The following KRT86 variants were observed in gnomAD, a reference collection of about 807,000 sequenced individuals.
KRT86 encodes the protein keratin, type II cuticular Hb6.
In KRT86, 30 loss-of-function variants were observed where a neutral mutation model predicts 41.2. The observed-to-expected ratio is 0.73, with a 90% CI of 0.54 to 0.99. The LOEUF (loss-of-function observed/expected upper bound fraction) is 0.99, where lower values mean the gene tolerates loss of function less well. Among genes scored for constraint, KRT86 ranks in the 50% least tolerant of loss-of-function variants. The probability of loss-of-function intolerance (pLI) is 0.00; values close to 1 mark genes in which losing one functional copy is unlikely to be tolerated. For missense variants in KRT86, 561 were observed against 571.4 expected (o/e 0.98, Z 0.19); for synonymous variants, 238 against 238.1 (o/e 1.00, Z 0.00).
At chr12:52,287,118 C>A in intron 2 of KRT86, 2 of 1,613,128 alleles carry the variant, frequency 1.2e-6, no homozygotes, top group Non-Finnish European at 1.7e-6. Flanking sequence ...TCCTCGCCCT[C>A]CAGCAGGCGC....
chr12:52,290,426 G>A, intron 2 of KRT86: 1 of 24,836 alleles, frequency 4.0e-5, no homozygotes, highest in Non-Finnish European at 6.9e-5. Context: ...GGCAGTGGGA[G>A]ACAGACAATT....
chr12:52,283,591 G>A (rs1937834604), intron 2 of KRT86, among the ~76,000 whole-genome samples: 1 of 145,000 alleles, frequency 6.9e-6, no homozygotes, highest in Admixed American at 7.1e-5. Flanking sequence ...CAATTCTCCT[G>A]TCTCAGCCTC....
At chr12:52,301,741 TA>T in intron 2 of KRT86, 171 bp from the exon 3 acceptor site, 2 of 1,308,284 alleles carry the variant, frequency 1.5e-6, no homozygotes, top group Non-Finnish European at 2.1e-6. Context: ...CGACAGCAGC[TA>T]AACAACCCAA....
chr12:52,288,606 T>G, intron 2 of KRT86: 1 of 998,278 alleles, frequency 1.0e-6, no homozygotes. Flanking sequence ...CTTCCTGGGA[T>G]GAGCTGGCAT....
Position 52,306,160 on chromosome 12 carries a change from A to G in KRT86, c.1127A>G (p.Gln376Arg). ...TTGGCCGAGCTGGAGGGTGCCCTGCAGAAGGCCAAGCAGGACATGGCCTGC... is the reference window on the plus strand; with the variant it reads ...TTGGCCGAGCTGGAGGGTGCCCTGCGGAAGGCCAAGCAGGACATGGCCTGC... ...CKLAELEGAL[Q>R]KAKQDMACLI... The change falls in exon 9 of 11, where the codon CAG becomes CGG. Residue 376 changes from glutamine to arginine, a missense_variant. Coordinates refer to ENST00000423955, the MANE Select transcript of KRT86 (RefSeq NM_001320198.2). 6.2e-7 allele frequency: 1 copy of G among 1,613,950 alleles called. No individual in the cohort carries two copies. The highest frequency in any genetic ancestry group is 1.7e-4 in the Middle Eastern group (1 of 5,866).
At chr12:52,307,393 G>A (rs1441887862) in intron 9 of KRT86, among the ~76,000 whole-genome samples, 1 of 152,226 alleles carries the variant, frequency 6.6e-6, no homozygotes, top group Non-Finnish European at 1.5e-5. Flanking sequence ...GAACTCAGGA[G>A]CTTTGGTATG....
At chr12:52,294,137 T>C (rs1453104843) in intron 2 of KRT86, among the ~76,000 whole-genome samples, 1 of 152,192 alleles carries the variant, frequency 6.6e-6, no homozygotes, top group Non-Finnish European at 1.5e-5. Flanking sequence ...TGAAGCTCTT[T>C]GTACCCTCAT....
At chr12:52,284,410 T>A (rs1322835055) in intron 2 of KRT86, among the ~76,000 whole-genome samples, 2 of 152,156 alleles carry the variant, frequency 1.3e-5, no homozygotes, top group Non-Finnish European at 2.9e-5. Flanking sequence ...GGCTGATCTC[T>A]AACTCTGGGG....
intron 2 of KRT86, among the ~76,000 whole-genome samples, chr12:52,296,986 CCT>C (rs1192238252): frequency 1.3e-5 from 2 of 152,186 alleles, no homozygotes; most frequent in African/African-American, 4.8e-5. Flanking sequence ...CGGCATTCTC[CCT>C]CTCTCTCCGC....
At chr12:52,288,784 G>A (rs918411519) in intron 2 of KRT86, among the ~76,000 whole-genome samples, 1 of 151,786 alleles carries the variant, frequency 6.6e-6, no homozygotes, top group Non-Finnish European at 1.5e-5. Context: ...CCCCACAAGT[G>A]CTCCAAGAGC....
At chr12:52,288,313 C>G (rs1233568601) in intron 2 of KRT86, 8 of 1,612,486 alleles carry the variant, frequency 5.0e-6, no homozygotes, top group Non-Finnish European at 6.8e-6. Flanking sequence ...ACCCCCAACT[C>G]TCCTCTCTGC....
chr12:52,276,196 T>C (rs1942556802), intron 2 of KRT86, among the ~76,000 whole-genome samples: 1 of 152,230 alleles, frequency 6.6e-6, no homozygotes, highest in Non-Finnish European at 1.5e-5. Context: ...TTGTACATTA[T>C]TATCTTTTTA....
chr12:52,292,057 C>T (rs180877834), intron 2 of KRT86, among the ~76,000 whole-genome samples: 2 of 152,320 alleles, frequency 1.3e-5, no homozygotes, highest in East Asian at 3.9e-4. Context: ...TGAAAACCAT[C>T]TCACTTTTCC....
intron 2 of KRT86, among the ~76,000 whole-genome samples, chr12:52,300,311 C>T (rs1461997339): frequency 1.3e-5 from 2 of 152,186 alleles, no homozygotes; most frequent in African/African-American, 4.8e-5. Flanking sequence ...ATTTGATTTT[C>T]TCATAATCAA....
In KRT86 at chr12:52,286,846, A is replaced by G. The variant is rs1365882465; in HGVS notation, c.-5+10900A>G. 3.1e-6 allele frequency: 5 copies of G among 1,613,370 alleles called. No individual in the cohort carries two copies. The South Asian group carries it at 3.3e-5, about 11-fold the overall frequency. On this transcript the variant is annotated intron_variant, in intron 2 of 10. Coordinates refer to ENST00000423955, the MANE Select transcript of KRT86 (RefSeq NM_001320198.2). ...GCCTGAGGGCAAAAGAGAAAAAGGCAACATTAGTGACTGCCCCAGAGTGGC... is the reference window on the plus strand; with the variant it reads ...GCCTGAGGGCAAAAGAGAAAAAGGCGACATTAGTGACTGCCCCAGAGTGGC...
Position 52,307,872 on chromosome 12 carries a change from T to C in KRT86, c.1248-361T>C, listed in dbSNP as rs367787680. Among the ~76,000 whole-genome samples the C allele has an allele frequency of 2.0e-5, 3 of 152,356 alleles. No homozygotes were observed. The East Asian group carries it at 5.8e-4, about 29-fold the overall frequency. ...TCAGTCAGAACCAACTTCGAGGTAGTGGCAGCTAATAGCTCTTAAGGGCTA... is the reference window on the plus strand; with the variant it reads ...TCAGTCAGAACCAACTTCGAGGTAGCGGCAGCTAATAGCTCTTAAGGGCTA... On this transcript the variant is annotated intron_variant, in intron 9 of 10. Transcript: ENST00000423955.
intron 2 of KRT86, among the ~76,000 whole-genome samples, chr12:52,298,789 A>T (rs974541200): frequency 4.6e-5 from 7 of 151,758 alleles, no homozygotes; most frequent in Non-Finnish European, 7.4e-5. Context: ...CAAACTTTTT[A>T]TTTATTTATT....
At position 52,288,954 on chromosome 12, in the gene KRT86, C is replaced by T. The variant is rs71453285; in HGVS notation, c.-4-12959C>T. ...CAGGGGCCTCAGCAATAGACCACAA[C>T]CTCTGGAACAGAGCAGGACACACAG... On this transcript the variant is annotated intron_variant, in intron 2 of 10. Coordinates refer to ENST00000423955, the MANE Select transcript of KRT86 (RefSeq NM_001320198.2). 2.1e-3 allele frequency among the ~76,000 whole-genome samples: 307 copies of T among 144,500 alleles called. 1 individual carries two copies. Among genetic ancestry groups the T allele is most frequent in the Non-Finnish European group, 3.5e-3 (230 of 66,456 alleles). The allele number at this position is 144,500 out of a possible 152,430, so 94.8% of individuals were successfully genotyped here.
In KRT86 at chr12:52,301,978, G is replaced by C. The variant is rs754153541; in HGVS notation, c.62G>C (p.Arg21Pro). 19 of 1,613,242 alleles carry C rather than the reference G, an allele frequency of 1.2e-5. No homozygotes were observed. The highest frequency in any genetic ancestry group is 1.6e-4 in the Middle Eastern group (1 of 6,082). The change falls in exon 3 of 11, where the codon CGG becomes CCG. Residue 21 changes from arginine to proline, a missense_variant. By Grantham distance (103) the Arg-to-Pro change is moderately radical. This residue lies in a region of KRT86 where 164 missense variants were observed against 172.5 expected (regional missense o/e 0.95). Coordinates refer to ENST00000423955, the MANE Select transcript of KRT86 (RefSeq NM_001320198.2). Reference sequence around the variant, plus strand: ...AGCTGCATCTCGGCCTGCGGGCCCCGGCCCGGCCGCTGCTGCATCACCGCC... The same window carrying C: ...AGCTGCATCTCGGCCTGCGGGCCCCCGCCCGGCCGCTGCTGCATCACCGCC... ...AFSCISACGPRPGRCCITAAP... is the reference protein window; with the variant it reads ...AFSCISACGPPPGRCCITAAP...
Sources: gnomAD v4.1 joint callset for allele counts (sites outside exome capture counted in the v4.1 genomes callset) on GRCh38, gnomAD v4.1.1 for gene constraint, gnomAD v4.1.1 regional missense constraint, MANE v1.5 for transcripts, NCBI Gene and HGNC (gene_info 2026-07-23, HGNC 2026-07-21) for gene names.